The following AXDND1 variants were observed in gnomAD, a reference collection of about 807,000 sequenced individuals.
AXDND1 encodes the protein axonemal dynein light chain domain containing 1, also known as axonemal dynein light chain domain-containing protein 1.
AXDND1 carries 110 observed loss-of-function variants against 137.5 expected under a neutral mutation model. That is an observed-to-expected ratio of 0.80 (90% CI 0.69 to 0.94). AXDND1 has a LOEUF of 0.94. Ranked by LOEUF, AXDND1 falls within the 40% of genes least tolerant of loss-of-function variation. The probability of loss-of-function intolerance (pLI) is 0.00; values close to 1 mark genes in which losing one functional copy is unlikely to be tolerated. For missense variants in AXDND1, 1,191 were observed against 1,169.8 expected, an observed-to-expected ratio of 1.02 and a Z score of -0.26; for synonymous variants, 414 against 399.7, an observed-to-expected ratio of 1.04 and a Z score of -0.43.
chr1:179,383,834 A>G (rs566526534), intron 8 of AXDND1, among the ~76,000 whole-genome samples: 11 of 152,250 alleles, frequency 7.2e-5, no homozygotes, highest in South Asian at 2.1e-4. Flanking sequence ...TTCACCAAAT[A>G]TAAGGTATCA....
chr1:179,509,468 C>T (rs370049291), intron 21 of AXDND1, 65 bp downstream of exon 21: 1 of 1,065,680 alleles, frequency 9.4e-7, no homozygotes. Context: ...ACAGAAGGTT[C>T]ACAGCTTTTT....
At chr1:179,519,750 G>A (rs1669880596) in intron 21 of AXDND1, among the ~76,000 whole-genome samples, 1 of 152,108 alleles carries the variant, frequency 6.6e-6, no homozygotes, top group African/African-American at 2.4e-5. Context: ...TGGTGTATGT[G>A]TCTGTTCTTG....
intron 18 of AXDND1, among the ~76,000 whole-genome samples, chr1:179,490,308 C>T (rs1666725873): frequency 6.6e-6 from 1 of 152,096 alleles, no homozygotes; most frequent in Non-Finnish European, 1.5e-5. Flanking sequence ...AGAAATACTC[C>T]AGAACTAACC....
intron 16 of AXDND1, among the ~76,000 whole-genome samples, chr1:179,459,757 TTTC>T (rs1472569586): frequency 4.1e-5 from 6 of 147,148 alleles, no homozygotes; most frequent in African/African-American, 1.5e-4. Context: ...CTTCCTTTCT[TTTC>T]TTTTCTCTTT....
intron 20 of AXDND1, among the ~76,000 whole-genome samples, chr1:179,500,548 A>G (rs1667896247): frequency 6.6e-6 from 1 of 152,196 alleles, no homozygotes; most frequent in African/African-American, 2.4e-5. Flanking sequence ...TAAGTGGAAG[A>G]TACACCATGT....
intron 16 of AXDND1, among the ~76,000 whole-genome samples, chr1:179,458,624 A>G (rs12405321): frequency 0.17 from 25,422 of 152,030 alleles, 2,475 homozygotes; most frequent in East Asian, 0.34. Flanking sequence ...AGCATAATAC[A>G]TTTCATAAAA....
chr1:179,467,688 AAAG>A (rs570568293), intron 16 of AXDND1, among the ~76,000 whole-genome samples: 1 of 152,202 alleles, frequency 6.6e-6, no homozygotes, highest in African/African-American at 2.4e-5. Context: ...GTTTAAAATA[AAAG>A]AAGAAGTCAA....
At chr1:179,447,026 T>G (rs1467430823) in intron 16 of AXDND1, among the ~76,000 whole-genome samples, 1 of 152,218 alleles carries the variant, frequency 6.6e-6, no homozygotes, top group African/African-American at 2.4e-5. Flanking sequence ...AGGTATCTAT[T>G]ATCCTGAGTA....
intron 17 of AXDND1, among the ~76,000 whole-genome samples, chr1:179,478,581 T>G (rs951204146): frequency 6.6e-6 from 1 of 152,206 alleles, no homozygotes; most frequent in Non-Finnish European, 1.5e-5. Flanking sequence ...AAGCCATTTT[T>G]TCCTCCTAAG....
chr1:179,464,182 G>A (rs1186815605), intron 16 of AXDND1, among the ~76,000 whole-genome samples: 6 of 152,094 alleles, frequency 3.9e-5, no homozygotes, highest in African/African-American at 9.7e-5. Flanking sequence ...TATTTTGCTC[G>A]TTAGTTGATG....
At chr1:179,396,989 G>A (rs542842320) in intron 11 of AXDND1, among the ~76,000 whole-genome samples, 3 of 152,222 alleles carry the variant, frequency 2.0e-5, no homozygotes, top group African/African-American at 7.2e-5. Flanking sequence ...TACATTTAAG[G>A]TAAACCAGTA....
Position 179,502,383 on chromosome 1 carries a change from G to A in AXDND1, c.2389-6913G>A, listed in dbSNP as rs189025442. On this transcript the variant is annotated intron_variant, in intron 20 of 25. Coordinates refer to ENST00000367618, the MANE Select transcript of AXDND1 (RefSeq NM_144696.6). ...AGTTCAAGATCAGCCTGGCCAGCGTGGTGAACCTCTGTCTCTGCTAAAAAT... is the reference window on the plus strand; with the variant it reads ...AGTTCAAGATCAGCCTGGCCAGCGTAGTGAACCTCTGTCTCTGCTAAAAAT... 1.1e-3 allele frequency among the ~76,000 whole-genome samples: 173 copies of A among 152,064 alleles called. 1 individual carries two copies. The highest frequency in any genetic ancestry group is 3.9e-3 in the African/African-American group (161 of 41,462).
chr1:179,493,515 T>G (rs1470088590), intron 20 of AXDND1, among the ~76,000 whole-genome samples: 1 of 152,200 alleles, frequency 6.6e-6, no homozygotes, highest in Non-Finnish European at 1.5e-5. Flanking sequence ...TGGGTTGATA[T>G]CTAGGAATGG....
intron 25 of AXDND1, among the ~76,000 whole-genome samples, chr1:179,539,767 A>G (rs1671932748): frequency 6.6e-6 from 1 of 152,112 alleles, no homozygotes; most frequent in Non-Finnish European, 1.5e-5. Flanking sequence ...TCTCCTGGAT[A>G]ATATCCTGAA....
At chr1:179,442,373 C>T (rs61742530) in intron 15 of AXDND1, among the ~76,000 whole-genome samples, 2,212 of 152,254 alleles carry the variant, frequency 0.015, 23 homozygotes, top group Non-Finnish European at 0.022. Flanking sequence ...CTAAACTCCA[C>T]GTGGAGAAAA....
chr1:179,433,128 G>C (rs375573534), intron 15 of AXDND1, among the ~76,000 whole-genome samples: 5 of 152,080 alleles, frequency 3.3e-5, no homozygotes, highest in African/African-American at 1.2e-4. Flanking sequence ...GAATTTATCC[G>C]TTTCTTCTAG....
chr1:179,495,076 T>C (rs1013263699), intron 20 of AXDND1, among the ~76,000 whole-genome samples: 1 of 152,214 alleles, frequency 6.6e-6, no homozygotes, highest in East Asian at 1.9e-4. Context: ...TTGTCAACAT[T>C]GTCACCGTCT....
chr1:179,497,616 G>A (rs965018245), intron 20 of AXDND1, among the ~76,000 whole-genome samples: 2 of 152,086 alleles, frequency 1.3e-5, no homozygotes, highest in Non-Finnish European at 2.9e-5. Flanking sequence ...AGGATGCCCA[G>A]TCTTACTATT....
At chr1:179,549,194 T>A (rs79638965) in intron 25 of AXDND1, among the ~76,000 whole-genome samples, 3,621 of 152,280 alleles carry the variant, frequency 0.024, 130 homozygotes, top group African/African-American at 0.08. Context: ...CAGCCATCAT[T>A]TCACAATTAG....
Sources: allele counts gnomAD v4.1 joint callset (sites outside exome capture counted in the v4.1 genomes callset), GRCh38; gene constraint gnomAD v4.1.1; transcripts MANE v1.5; gene names NCBI Gene and HGNC (gene_info 2026-07-23, HGNC 2026-07-21).